Variants in PTPRD observed in about 807,000 individuals in gnomAD.
PTPRD encodes the protein receptor-type tyrosine-protein phosphatase delta.
PTPRD carries 34 observed loss-of-function variants against 214.5 expected under a neutral mutation model. The observed-to-expected ratio is 0.16, with a 90% CI of 0.12 to 0.21. PTPRD has a LOEUF of 0.21. Ranked by LOEUF, PTPRD falls within the 10% of genes least tolerant of loss-of-function variation. The pLI, the probability that PTPRD is intolerant of heterozygous loss-of-function variation, is 1.00. For missense variants in PTPRD, 2,545 were observed against 2,398.7 expected (o/e 1.06, Z -1.27); for synonymous variants, 1,128 against 845.7 (o/e 1.33, Z -5.79).
At chr9:8,378,834 G>A (rs1243015916) in intron 37 of PTPRD, among the ~76,000 whole-genome samples, 1 of 152,080 alleles carries the variant, frequency 6.6e-6, no homozygotes, top group East Asian at 1.9e-4. Context: ...AGGAAAGAAT[G>A]AGAAGGCAAC....
At chr9:10,019,919 A>T (rs574526981) in intron 4 of PTPRD, among the ~76,000 whole-genome samples, 44 of 120,092 alleles carry the variant, frequency 3.7e-4, no homozygotes, top group Non-Finnish European at 4.1e-5. Context: ...CCTAGAACTT[A>T]AAGTATAATA....
intron 9 of PTPRD, among the ~76,000 whole-genome samples, chr9:9,370,342 G>A (rs1431814180): frequency 3.3e-5 from 5 of 151,922 alleles, no homozygotes; most frequent in African/African-American, 1.2e-4. Context: ...TTGTAAGTTG[G>A]ATTCCTAGGT....
At chr9:10,540,629 A>G (rs1486520974) in intron 2 of PTPRD, among the ~76,000 whole-genome samples, 1 of 152,188 alleles carries the variant, frequency 6.6e-6, no homozygotes, top group Non-Finnish European at 1.5e-5. Flanking sequence ...TAATGTTACA[A>G]TTCAGGCTAA....
At position 8,378,384 on chromosome 9, in the gene PTPRD, A is replaced by G. The variant is rs144594594; in HGVS notation, c.4387-1658T>C. On this transcript the variant is annotated intron_variant, in intron 37 of 45. Transcript: ENST00000381196. ...CATATTTAGCAAAAGCTACCATCTG[A>G]ATAGAACCAACACTACTTCAGCAGT... Among the ~76,000 whole-genome samples, 819 of 152,216 alleles carry G rather than the reference A, an allele frequency of 5.4e-3. 3 individuals carry two copies. The highest frequency in any genetic ancestry group is 0.01 in the Admixed American group (160 of 15,266).
At chr9:9,751,381 T>G (rs2098517658) in intron 6 of PTPRD, among the ~76,000 whole-genome samples, 1 of 151,914 alleles carries the variant, frequency 6.6e-6, no homozygotes, top group Admixed American at 6.6e-5. Context: ...TCCAGAAAAA[T>G]TAATGCAACA....
intron 14 of PTPRD, among the ~76,000 whole-genome samples, chr9:8,572,152 T>C (rs949011686): frequency 2.0e-5 from 3 of 152,066 alleles, no homozygotes; most frequent in Non-Finnish European, 2.9e-5. Context: ...AAGTTCTGAG[T>C]GTCAGTTAAA....
chr9:10,409,776 T>C (rs1467060327), intron 2 of PTPRD, among the ~76,000 whole-genome samples: 1 of 151,774 alleles, frequency 6.6e-6, no homozygotes, highest in Non-Finnish European at 1.5e-5. Context: ...TGTGTTTCTA[T>C]GAAGACACTC....
At chr9:9,206,196 G>A (rs994907715) in intron 9 of PTPRD, among the ~76,000 whole-genome samples, 2 of 152,182 alleles carry the variant, frequency 1.3e-5, no homozygotes, top group African/African-American at 2.4e-5. Flanking sequence ...CTGAGTGAGT[G>A]ATAGGGAAGG....
At chr9:10,177,306 T>C (rs2099254573) in intron 3 of PTPRD, among the ~76,000 whole-genome samples, 1 of 151,676 alleles carries the variant, frequency 6.6e-6, no homozygotes, top group Non-Finnish European at 1.5e-5. Context: ...AAATTGAAGA[T>C]GCCTAATAAA....
intron 3 of PTPRD, among the ~76,000 whole-genome samples, chr9:10,288,484 A>G (rs1346141973): frequency 2.0e-5 from 3 of 152,188 alleles, no homozygotes; most frequent in Non-Finnish European, 4.4e-5. Flanking sequence ...GAAATGCAGA[A>G]GTAGAACTCA....
At chr9:10,264,299 G>A (rs1251048118) in intron 3 of PTPRD, among the ~76,000 whole-genome samples, 1 of 152,142 alleles carries the variant, frequency 6.6e-6, no homozygotes, top group Non-Finnish European at 1.5e-5. Flanking sequence ...CTTGCACCAT[G>A]TTCCTGGAAA....
intron 14 of PTPRD, among the ~76,000 whole-genome samples, chr9:8,536,951 T>A (rs1440276491): frequency 6.6e-6 from 1 of 152,016 alleles, no homozygotes; most frequent in African/African-American, 2.4e-5. Context: ...TCAAAATGAA[T>A]CACAGTATCA....
At chr9:9,752,626 G>A (rs1366425478) in intron 6 of PTPRD, among the ~76,000 whole-genome samples, 1 of 151,876 alleles carries the variant, frequency 6.6e-6, no homozygotes, top group Non-Finnish European at 1.5e-5. Context: ...TCAGATCCAG[G>A]GAGAAGAAAA....
At chr9:9,429,029 C>A (rs1219920613) in intron 8 of PTPRD, among the ~76,000 whole-genome samples, 5 of 151,946 alleles carry the variant, frequency 3.3e-5, no homozygotes, top group African/African-American at 1.2e-4. Context: ...CAAAAGCTAG[C>A]GGAAGTCAAG....
chr9:8,333,103 A>G (rs975942269), intron 43 of PTPRD, among the ~76,000 whole-genome samples: 2 of 152,168 alleles, frequency 1.3e-5, no homozygotes, highest in African/African-American at 2.4e-5. Context: ...GGGGATGGAG[A>G]TAAACAGGAA....
At chr9:10,095,425 T>G (rs1049867801) in intron 3 of PTPRD, among the ~76,000 whole-genome samples, 1 of 151,540 alleles carries the variant, frequency 6.6e-6, no homozygotes, top group Non-Finnish European at 1.5e-5. Context: ...GCATGTCATC[T>G]CTGATACTGA....
At chr9:8,528,804 C>T (rs1405208960) in intron 14 of PTPRD, 25 bp from the exon 15 acceptor site, 1 of 1,608,380 alleles carries the variant, frequency 6.2e-7, no homozygotes, top group Admixed American at 1.7e-5. Context: ...GTGATAGAAA[C>T]ATTCAGTTAA....
chr9:8,473,793 C>T (rs963009823), intron 30 of PTPRD, among the ~76,000 whole-genome samples: 6 of 152,116 alleles, frequency 3.9e-5, no homozygotes, highest in Non-Finnish European at 8.8e-5. Flanking sequence ...ATTAACGGTG[C>T]GGCAAGATAT....
intron 5 of PTPRD, among the ~76,000 whole-genome samples, chr9:9,783,565 A>G (rs1043654297): frequency 1.3e-5 from 2 of 152,152 alleles, no homozygotes; most frequent in Non-Finnish European, 2.9e-5. Context: ...CAAGATGTAC[A>G]TTTTAATTAT....
Sources: gnomAD v4.1 joint callset for allele counts (sites outside exome capture counted in the v4.1 genomes callset) on GRCh38, gnomAD v4.1.1 for gene constraint, MANE v1.5 for transcripts, NCBI Gene and HGNC (gene_info 2026-07-23, HGNC 2026-07-21) for gene names.